Variants in CDH12 observed in about 807,000 individuals in gnomAD.
CDH12 encodes cadherin-12.
In CDH12, 41 loss-of-function variants were observed where a neutral mutation model predicts 74.1. That is an observed-to-expected ratio of 0.55 (90% CI 0.43 to 0.72). The LOEUF is 0.72. Ranked by LOEUF, CDH12 falls within the 30% of genes least tolerant of loss-of-function variation. CDH12 has a pLI of 0.00. For missense variants in CDH12, 945 were observed against 977.2 expected (o/e 0.97, Z 0.44); for synonymous variants, 399 against 355.0 (o/e 1.12, Z -1.39).
intron 2 of CDH12, among the ~76,000 whole-genome samples, chr5:22,504,159 TA>T (rs1450285771): frequency 6.6e-6 from 1 of 151,952 alleles, no homozygotes; most frequent in Non-Finnish European, 1.5e-5. Flanking sequence ...AATTACTAGA[TA>T]AAAGAGATGA....
At chr5:22,090,690 A>C (rs1034555768) in intron 4 of CDH12, among the ~76,000 whole-genome samples, 3 of 151,796 alleles carry the variant, frequency 2.0e-5, no homozygotes, top group African/African-American at 7.3e-5. Context: ...CAGTTCTGGC[A>C]CAGCAAATCC....
chr5:22,623,328 G>A (rs904331459), intron 1 of CDH12, among the ~76,000 whole-genome samples: 5 of 152,158 alleles, frequency 3.3e-5, no homozygotes, highest in African/African-American at 1.2e-4. Context: ...AATCAGGCAG[G>A]AGAAAGAAAT....
At chr5:22,272,627 AT>A (rs1736448794) in intron 3 of CDH12, among the ~76,000 whole-genome samples, 1 of 152,260 alleles carries the variant, frequency 6.6e-6, no homozygotes, top group East Asian at 1.9e-4. Context: ...TCACTTGAAC[AT>A]TTAGAGGTTA....
chr5:21,964,407 C>T lies in CDH12; in HGVS notation c.526+10684G>A, dbSNP rs1435225506. ...CCTTCTTAAAAGTTTGAATCCAAAT[C>T]TTTTGTACTCCAGGGCTTATTTTGT... On this transcript the variant is annotated intron_variant, in intron 6 of 14. Coordinates refer to ENST00000382254, the MANE Select transcript of CDH12 (RefSeq NM_004061.5). Among the ~76,000 whole-genome samples the T allele has an allele frequency of 3.3e-5, 5 of 152,106 alleles. No homozygotes were observed. In the East Asian group the frequency reaches 9.7e-4, roughly 29 times the overall value.
intron 11 of CDH12, among the ~76,000 whole-genome samples, chr5:21,773,219 G>A (rs1745413601): frequency 6.6e-6 from 1 of 152,132 alleles, no homozygotes; most frequent in Non-Finnish European, 1.5e-5. Context: ...AGTTGTGATG[G>A]TTAATTTGAG....
intron 3 of CDH12, among the ~76,000 whole-genome samples, chr5:22,334,273 TAA>T (rs1213876328): frequency 9.9e-5 from 15 of 152,078 alleles, no homozygotes; most frequent in African/African-American, 1.4e-4. Flanking sequence ...AATTAAATAT[TAA>T]GTTAATTTGA....
chr5:22,305,264 C>T (rs1384802137), intron 3 of CDH12, among the ~76,000 whole-genome samples: 1 of 152,136 alleles, frequency 6.6e-6, no homozygotes, highest in Non-Finnish European at 1.5e-5. Context: ...ATACAGTATG[C>T]TCCAACTGAA....
chr5:21,984,065 C>G (rs1042596919), intron 5 of CDH12, among the ~76,000 whole-genome samples: 1 of 152,118 alleles, frequency 6.6e-6, no homozygotes, highest in African/African-American at 2.4e-5. Flanking sequence ...ATTCATAAGG[C>G]GAGCTTTTCT....
intron 1 of CDH12, among the ~76,000 whole-genome samples, chr5:22,804,226 A>G (rs1352028500): frequency 3.3e-5 from 5 of 152,190 alleles, no homozygotes; most frequent in African/African-American, 1.2e-4. Flanking sequence ...GAAATATAAT[A>G]TGATTTTCTC....
At chr5:21,976,406 C>T (rs1438584668) in intron 5 of CDH12, among the ~76,000 whole-genome samples, 1 of 151,688 alleles carries the variant, frequency 6.6e-6, no homozygotes. Context: ...AAAATGGACA[C>T]AGTCTTAAAC....
At chr5:22,816,260 T>G (rs183520716) in intron 1 of CDH12, among the ~76,000 whole-genome samples, 1 of 152,296 alleles carries the variant, frequency 6.6e-6, no homozygotes, top group Admixed American at 6.5e-5. Context: ...TTATCACCAA[T>G]GAACAGAAGA....
chr5:22,391,935 A>G (rs905425004), intron 3 of CDH12, among the ~76,000 whole-genome samples: 1 of 152,220 alleles, frequency 6.6e-6, no homozygotes. Flanking sequence ...AAAGAAGTTA[A>G]ATCAGAGAAC....
chr5:22,244,551 A>C (rs58352000), intron 3 of CDH12, among the ~76,000 whole-genome samples: 18,959 of 94,034 alleles, frequency 0.2, 4,461 homozygotes, highest in East Asian at 0.37. Flanking sequence ...AAGAAGAAGA[A>C]GAAGAAAGAG....
At chr5:22,476,276 T>C (rs1746164696) in intron 2 of CDH12, among the ~76,000 whole-genome samples, 1 of 152,088 alleles carries the variant, frequency 6.6e-6, no homozygotes, top group Non-Finnish European at 1.5e-5. Context: ...ATTGTAGCTA[T>C]ATAAATAACC....
intron 1 of CDH12, among the ~76,000 whole-genome samples, chr5:22,675,887 ACTTTTG>A (rs1741158233): frequency 1.5e-5 from 2 of 137,394 alleles, no homozygotes; most frequent in South Asian, 2.2e-4. Context: ...ATATATATAT[ACTTTTG>A]TTTATATGCT....
intron 1 of CDH12, among the ~76,000 whole-genome samples, chr5:22,783,497 AAAT>A (rs1160948270): frequency 1.3e-5 from 2 of 152,170 alleles, no homozygotes; most frequent in Non-Finnish European, 2.9e-5. Context: ...GGTGAGTTAA[AAAT>A]AATATTATGA....
Position 21,781,325 on chromosome 5 carries a change from C to T in CDH12, c.1393+2033G>A, listed in dbSNP as rs372511204. ...TGGGTGCCCATGTCAGATTCCTATG[C>T]GGAGGGGACACCCAGAGCCCCCAAC... On this transcript the variant is annotated intron_variant, in intron 11 of 14. Coordinates refer to ENST00000382254, the MANE Select transcript of CDH12 (RefSeq NM_004061.5). Among the ~76,000 whole-genome samples the T allele has an allele frequency of 2.3e-4, 35 of 152,210 alleles. No homozygotes were observed. The South Asian group carries it at 2.9e-3, about 13-fold the overall frequency.
chr5:21,798,604 G>A (rs1746930304), intron 10 of CDH12, among the ~76,000 whole-genome samples: 1 of 152,024 alleles, frequency 6.6e-6, no homozygotes, highest in Admixed American at 6.6e-5. Flanking sequence ...GCTTTGTGGG[G>A]GTAAGGAGGT....
chr5:22,434,306 T>A (rs1486472938), intron 2 of CDH12, among the ~76,000 whole-genome samples: 4 of 152,240 alleles, frequency 2.6e-5, no homozygotes, highest in African/African-American at 9.6e-5. Context: ...TAAGATTTGA[T>A]GTTTACTGGG....
Sources: gnomAD v4.1 joint callset for allele counts (sites outside exome capture counted in the v4.1 genomes callset) on GRCh38, gnomAD v4.1.1 for gene constraint, MANE v1.5 for transcripts, NCBI Gene and HGNC (gene_info 2026-07-23, HGNC 2026-07-21) for gene names.